LNX2: variants seen among roughly 807,000 people sequenced by gnomAD.
LNX2 encodes the protein ligand of Numb protein X 2.
LNX2 carries 35 observed loss-of-function variants against 66.2 expected under a neutral mutation model. That is an observed-to-expected ratio of 0.53 (90% CI 0.40 to 0.70). LNX2 has a LOEUF of 0.70. Ranked by LOEUF, LNX2 falls within the 30% of genes least tolerant of loss-of-function variation. The pLI, the probability that LNX2 is intolerant of heterozygous loss-of-function variation, is 0.00. For synonymous variants in LNX2, 337 were observed against 315.6 expected (o/e 1.07, Z -0.72); for missense variants, 791 against 850.8 (o/e 0.93, Z 0.87).
chr13:27,617,154 T>C (rs1955836615), intron 1 of LNX2, among the ~76,000 whole-genome samples: 1 of 152,220 alleles, frequency 6.6e-6, no homozygotes, highest in Admixed American at 6.5e-5. Context: ...TTCCTACTGC[T>C]TTGTATTTTC....
intron 1 of LNX2, among the ~76,000 whole-genome samples, chr13:27,588,173 T>C (rs577358113): frequency 1.3e-5 from 2 of 152,228 alleles, no homozygotes; most frequent in East Asian, 3.9e-4. Context: ...TAAGCATTTA[T>C]CCCAGAGAGG....
chr13:27,556,139 A>C, intron 7 of LNX2, 97 bp downstream of exon 7: 2 of 1,191,494 alleles, frequency 1.7e-6, no homozygotes, highest in Non-Finnish European at 2.3e-6. Context: ...TAAAAAAGTC[A>C]TGTTTAATAG....
At chr13:27,581,837 A>G (rs1185879187) in intron 1 of LNX2, 34 bp from the exon 2 acceptor site, 1 of 605,460 alleles carries the variant, frequency 1.7e-6, no homozygotes, top group African/African-American at 1.9e-5. Context: ...TAAAAAAGGT[A>G]ATTAATATCA....
At chr13:27,570,559 G>C (rs2138365251) in intron 2 of LNX2, among the ~76,000 whole-genome samples, 1 of 152,186 alleles carries the variant, frequency 6.6e-6, no homozygotes, top group East Asian at 1.9e-4. Flanking sequence ...CCTCTGTATT[G>C]TTGTACAGCA....
chr13:27,573,952 A>G (rs1188112507), intron 2 of LNX2, among the ~76,000 whole-genome samples: 1 of 151,938 alleles, frequency 6.6e-6, no homozygotes, highest in East Asian at 1.9e-4. Flanking sequence ...CAGCCAACAG[A>G]AACTGTCCCT....
At chr13:27,583,255 T>TGTGTGTGTGTGCGCGCGCGCGCGCGCGC (rs1555268514) in intron 1 of LNX2, among the ~76,000 whole-genome samples, 3 of 58,528 alleles carry the variant, frequency 5.1e-5, no homozygotes, top group Non-Finnish European at 9.6e-5. Context: ...TGTGTGTGTG[T>TGTGTGTGTGTGCGCGCGCGCGCGCGCGC]GCGCGCGTCC....
At chr13:27,584,897 C>T (rs747942129) in intron 1 of LNX2, among the ~76,000 whole-genome samples, 2 of 151,168 alleles carry the variant, frequency 1.3e-5, no homozygotes, top group African/African-American at 2.4e-5. Flanking sequence ...GCAGGTAGAT[C>T]AACTGAGGTC....
intron 1 of LNX2, among the ~76,000 whole-genome samples, chr13:27,607,918 A>G (rs1955734816): frequency 6.6e-6 from 1 of 152,212 alleles, no homozygotes; most frequent in Non-Finnish European, 1.5e-5. Context: ...AGCATAACAG[A>G]CCATTGAGAT....
intron 1 of LNX2, among the ~76,000 whole-genome samples, chr13:27,583,225 T>TCCTCTCCAATATAA (rs1955431465): frequency 4.8e-5 from 1 of 20,756 alleles, no homozygotes; most frequent in South Asian, 2.0e-3. Context: ...TGTGTGTGTG[T>TCCTCTCCAATATAA]GTGTGTGTGT....
At chr13:27,572,872 G>A (rs1488761420) in intron 2 of LNX2, among the ~76,000 whole-genome samples, 2 of 152,162 alleles carry the variant, frequency 1.3e-5, no homozygotes, top group Non-Finnish European at 2.9e-5. Flanking sequence ...CTGAAAGAAT[G>A]TGAACACCTT....
intron 1 of LNX2, among the ~76,000 whole-genome samples, chr13:27,613,513 T>C (rs903898482): frequency 1.3e-5 from 2 of 152,224 alleles, no homozygotes; most frequent in Non-Finnish European, 2.9e-5. Context: ...GGCTCATGCC[T>C]GTAATCCCAG....
At chr13:27,591,404 G>T (rs74605989) in intron 1 of LNX2, among the ~76,000 whole-genome samples, 6,700 of 152,256 alleles carry the variant, frequency 0.044, 211 homozygotes, top group Non-Finnish European at 0.067. Flanking sequence ...GATCAACAAT[G>T]CACCTCCAAT....
intron 1 of LNX2, among the ~76,000 whole-genome samples, chr13:27,609,252 A>C (rs1455461210): frequency 6.6e-6 from 1 of 151,676 alleles, no homozygotes; most frequent in Non-Finnish European, 1.5e-5. Flanking sequence ...TCCCGGATTC[A>C]AGCAGTTCTC....
At chr13:27,566,097 T>C (rs1955202151) in intron 4 of LNX2, among the ~76,000 whole-genome samples, 1 of 152,230 alleles carries the variant, frequency 6.6e-6, no homozygotes, top group Admixed American at 6.5e-5. Flanking sequence ...GCAATTACCT[T>C]AGATCATGCC....
intron 4 of LNX2, among the ~76,000 whole-genome samples, chr13:27,564,424 T>C (rs1257103279): frequency 6.6e-6 from 1 of 152,226 alleles, no homozygotes; most frequent in Non-Finnish European, 1.5e-5. Flanking sequence ...AATGCCATTA[T>C]TGATGACTTC....
At chr13:27,568,157 A>C (rs1955229111) in intron 3 of LNX2, among the ~76,000 whole-genome samples, 1 of 152,186 alleles carries the variant, frequency 6.6e-6, no homozygotes, top group African/African-American at 2.4e-5. Context: ...TTGGACCACG[A>C]AACAACTGTA....
chr13:27,585,037 G>A (rs1955467465), intron 1 of LNX2, among the ~76,000 whole-genome samples: 1 of 151,146 alleles, frequency 6.6e-6, no homozygotes, highest in African/African-American at 2.4e-5. Context: ...AGAATCACTT[G>A]AGCCTAGGAG....
intron 1 of LNX2, among the ~76,000 whole-genome samples, chr13:27,591,049 A>G (rs1032630213): frequency 5.3e-5 from 8 of 152,158 alleles, no homozygotes; most frequent in Non-Finnish European, 1.0e-4. Context: ...CAGATTAAGA[A>G]TAACTTTGGG....
intron 4 of LNX2, among the ~76,000 whole-genome samples, chr13:27,567,402 T>C (rs926572615): frequency 1.4e-4 from 22 of 152,072 alleles, no homozygotes; most frequent in African/African-American, 5.3e-4. Flanking sequence ...TCAGCAAGCC[T>C]GAGATCATGT....
Sources: allele counts gnomAD v4.1 joint callset (sites outside exome capture counted in the v4.1 genomes callset), GRCh38; gene constraint gnomAD v4.1.1; transcripts MANE v1.5; gene names NCBI Gene and HGNC (gene_info 2026-07-23, HGNC 2026-07-21).